ANO7: variants seen among roughly 807,000 people sequenced by gnomAD.
ANO7 encodes anoctamin 7, also known as anoctamin-7.
In ANO7, 114 loss-of-function variants were observed where a neutral mutation model predicts 115.8. That is an observed-to-expected ratio of 0.98 (90% CI 0.85 to 1.15). ANO7 has a LOEUF of 1.15. ANO7 is among the 50% of genes most tolerant of loss of function. ANO7 has a pLI of 0.00. For synonymous variants in ANO7, 550 were observed against 498.2 expected (o/e 1.10, Z -1.38); for missense variants, 1,302 against 1,201.2 (o/e 1.08, Z -1.24).
intron 5 of ANO7, 77 bp downstream of exon 5, chr2:241,199,500 C>A: frequency 6.8e-7 from 1 of 1,461,558 alleles, no homozygotes; most frequent in Non-Finnish European, 9.5e-7. Context: ...CCAGTGCCGA[C>A]AGCCTCAGGA....
chr2:241,224,137 G>T lies in ANO7; in HGVS notation c.2624G>T (p.Ser875Ile). 1 of 1,599,776 alleles carries T rather than the reference G, an allele frequency of 6.3e-7. No individual in the cohort carries two copies. The highest frequency in any genetic ancestry group is 1.3e-5 in the African/African-American group (1 of 74,898). Reference protein sequence around the residue: ...HWTPFTVPKASQLQQ With the variant: ...HWTPFTVPKAIQLQQ ...ACACCCTTCACGGTTCCCAAGGCCAGCCAGCTGCAGCAGTGACGCCTGGAA... is the reference window on the plus strand; with the variant it reads ...ACACCCTTCACGGTTCCCAAGGCCATCCAGCTGCAGCAGTGACGCCTGGAA... The change falls in exon 25 of 25, where the codon AGC becomes ATC. Residue 875 changes from serine to isoleucine, a missense_variant. Physicochemically the swap from Ser to Ile is moderately radical, Grantham distance 142. Coordinates refer to ENST00000674324, the MANE Select transcript of ANO7 (RefSeq NM_001370694.2).
In ANO7 at chr2:241,223,563, C is replaced by T. The variant is rs1451297457; in HGVS notation, c.2413-99C>T. 24 of 1,527,852 alleles carry T rather than the reference C, an allele frequency of 1.6e-5. No homozygotes were observed. The South Asian group carries it at 2.4e-4, about 15-fold the overall frequency. The allele number at this position is 1,527,852 out of a possible 1,614,324, so 94.6% of individuals were successfully genotyped here. ...CCTGCACAGCTGCTTTCTGACTCCA[C>T]CCACAGCTGGGAGCAGGTGCCGGAG... On this transcript the variant is annotated intron_variant, in intron 22 of 24. Transcript: ENST00000674324.
At chr2:241,189,190 G>T (rs2068128840) in intron 1 of ANO7, among the ~76,000 whole-genome samples, 1 of 152,190 alleles carries the variant, frequency 6.6e-6, no homozygotes, top group African/African-American at 2.4e-5. Flanking sequence ...TCCCAGCCTG[G>T]GGCCGGGGCC....
Position 241,204,913 on chromosome 2 carries a change from T to A in ANO7, c.938T>A (p.Val313Glu). 1 of 1,613,962 alleles carries A rather than the reference T, an allele frequency of 6.2e-7. No homozygotes were observed. Among genetic ancestry groups the A allele is most frequent in the South Asian group, 1.1e-5 (1 of 91,082 alleles). The change falls in exon 10 of 25, where the codon GTG becomes GAG. Residue 313 changes from valine (V) to glutamate (E), a missense_variant. Val to Glu is a moderately radical substitution (Grantham distance 121, BLOSUM62 -2). Coordinates refer to ENST00000674324, the MANE Select transcript of ANO7 (RefSeq NM_001370694.2). Reference sequence around the variant, plus strand: ...CCAGCGGCAGTGGTGGGCACACTGGTGTTCCTGGTGGGCTGCTTCCTGGTG... The same window carrying A: ...CCAGCGGCAGTGGTGGGCACACTGGAGTTCCTGGTGGGCTGCTTCCTGGTG... ...LLPAAVVGTLVFLVGCFLVFS... is the reference protein window; with the variant it reads ...LLPAAVVGTLEFLVGCFLVFS...
intron 21 of ANO7, among the ~76,000 whole-genome samples, chr2:241,221,226 C>T (rs2069004698): frequency 2.0e-5 from 3 of 151,642 alleles, no homozygotes; most frequent in African/African-American, 7.3e-5. Flanking sequence ...CAGGCGCCCA[C>T]CACCATGCCC....
chr2:241,232,739 G>A, the ANO7 span, among the ~76,000 whole-genome samples: 197 of 152,164 alleles, frequency 1.3e-3, 1 homozygote, highest in African/African-American at 4.6e-3. Flanking sequence ...ACTTCAACCC[G>A]GGAGGCAGAG....
chr2:241,239,565 G>C, the ANO7 span: 45 of 1,552,658 alleles, frequency 2.9e-5, no homozygotes, highest in Admixed American at 4.2e-4. The surrounding 1 kb of genome is among the most constrained non-coding windows in gnomAD (Gnocchi z 4.6). Context: ...TGGCCACTGG[G>C]GGGTGAGAAC....
chr2:241,195,687 C>G lies in ANO7; in HGVS notation c.167-16C>G. The G allele has an allele frequency of 6.2e-7, 1 of 1,612,982 alleles. No individual in the cohort carries two copies. ...CACTTAGCCAGGCTCCTGCCTCTGTCCCTGTTGGCTCCCAGCAGACTTCGT... is the reference window on the plus strand; with the variant it reads ...CACTTAGCCAGGCTCCTGCCTCTGTGCCTGTTGGCTCCCAGCAGACTTCGT... On this transcript the variant is annotated splice_polypyrimidine_tract_variant and intron_variant, in intron 3 of 24. Coordinates refer to ENST00000674324, the MANE Select transcript of ANO7 (RefSeq NM_001370694.2).
chr2:241,222,598 T>G (rs2069051489), intron 21 of ANO7, among the ~76,000 whole-genome samples: 1 of 152,240 alleles, frequency 6.6e-6, no homozygotes, highest in Non-Finnish European at 1.5e-5. Flanking sequence ...TTTGTTTTTT[T>G]TATTTTCCTA....
chr2:241,238,515 T>A, the ANO7 span: 2 of 682,906 alleles, frequency 2.9e-6, no homozygotes, highest in African/African-American at 3.6e-5. This position sits in a 1 kb window ranked among gnomAD's most constrained non-coding sequence, Gnocchi z 4.9. Flanking sequence ...CCTGAACCTC[T>A]GGAAGCCCCC....
chr2:241,223,809 T>TC (rs1421485994), intron 23 of ANO7, 28 bp downstream of exon 23: 1 of 1,613,818 alleles, frequency 6.2e-7, no homozygotes, highest in Non-Finnish European at 8.5e-7. Context: ...GTCTCGGCCC[T>TC]CCCCCCAGCC....
At position 241,201,478 on chromosome 2, in the gene ANO7, C is replaced by T. The variant is rs1043335412; in HGVS notation, c.612+123C>T. On this transcript the variant is annotated intron_variant, in intron 7 of 24. Transcript: ENST00000674324. ...GACCAGAGGGCCGAGGCCTGGAGCCCGGAGGCTTTGGAAACTTTAGAGGCT... is the reference window on the plus strand; with the variant it reads ...GACCAGAGGGCCGAGGCCTGGAGCCTGGAGGCTTTGGAAACTTTAGAGGCT... 28 of 1,125,636 alleles carry T rather than the reference C, an allele frequency of 2.5e-5. No homozygotes were observed. The Admixed American group carries it at 3.7e-4, about 15-fold the overall frequency. 69.7% of individuals were successfully genotyped at this position (1,125,636 alleles called of 1,614,324 possible).
At chr2:241,221,546 T>G (rs1000109921) in intron 21 of ANO7, among the ~76,000 whole-genome samples, 4 of 152,184 alleles carry the variant, frequency 2.6e-5, no homozygotes, top group Non-Finnish European at 4.4e-5. Context: ...ATTTTTTTTT[T>G]TTTGTATTTT....
chr2:241,209,601 G>A lies in ANO7; in HGVS notation c.1325G>A (p.Arg442His), dbSNP rs201707610. 182 of 1,593,808 alleles carry A rather than the reference G, an allele frequency of 1.1e-4. No individual in the cohort carries two copies. The highest frequency in any genetic ancestry group is 5.5e-4 in the African/African-American group (41 of 74,672). ...PYFPERSRAR[R>H]MLAGSVVIVV... ...TTCCCTGAGAGGAGCCGCGCGCGCC[G>A]CATGCTGGCCGGCTCTGTGGTGATC... The change falls in exon 13 of 25, where the codon CGC (arginine) becomes CAC (histidine). Residue 442 changes from arginine to histidine, a missense_variant. Physicochemically the swap from Arg to His is conservative, Grantham distance 29. Transcript: ENST00000674324.
At chr2:241,218,157 G>T in intron 20 of ANO7, 82 bp from the exon 21 acceptor site, 2 of 458,964 alleles carry the variant, frequency 4.4e-6, no homozygotes, top group Non-Finnish European at 2.6e-6. Flanking sequence ...GGGCGGGGGG[G>T]CAGCGGGGGC....
chr2:241,195,926 G>T, intron 4 of ANO7, 81 bp downstream of exon 4: 2 of 1,612,622 alleles, frequency 1.2e-6, no homozygotes, highest in Non-Finnish European at 1.7e-6. Flanking sequence ...GAGGCCTGAG[G>T]GCATGGTGTC....
chr2:241,223,127 C>A (rs2069065590), intron 21 of ANO7, 59 bp from the exon 22 acceptor site: 1 of 1,485,920 alleles, frequency 6.7e-7, no homozygotes, highest in Non-Finnish European at 9.3e-7. Context: ...ATTCCAGAGG[C>A]ACCTGCCCAG....
At chr2:241,223,148 G>A in intron 21 of ANO7, 38 bp from the exon 22 acceptor site, 1 of 1,595,038 alleles carries the variant, frequency 6.3e-7, no homozygotes, top group Non-Finnish European at 8.6e-7. Flanking sequence ...CCAACACTCA[G>A]CCCTGGCTGC....
chr2:241,238,538 T>C, the ANO7 span: 2 of 870,954 alleles, frequency 2.3e-6, no homozygotes, highest in Admixed American at 2.7e-5. This position sits in a 1 kb window ranked among gnomAD's most constrained non-coding sequence, Gnocchi z 4.9. Flanking sequence ...AATACATAGA[T>C]GGTTTTCCAG....
Sources: allele counts gnomAD v4.1 joint callset (sites outside exome capture counted in the v4.1 genomes callset), GRCh38; gene constraint gnomAD v4.1.1; non-coding constraint Gnocchi (gnomAD v3.1); transcripts MANE v1.5; gene names NCBI Gene and HGNC (gene_info 2026-07-23, HGNC 2026-07-21).